Variants in PPM1L observed in about 807,000 individuals in gnomAD.
The protein encoded by PPM1L is protein phosphatase 1L.
Under a neutral mutation model 31.4 loss-of-function variants are expected in PPM1L, and 13 were observed. That is an observed-to-expected ratio of 0.41 (90% confidence interval 0.27 to 0.66). The LOEUF (loss-of-function observed/expected upper bound fraction) is 0.66, where lower values mean the gene tolerates loss of function less well. PPM1L is among the 30% of genes least tolerant of loss of function. PPM1L has a pLI of 0.29. For missense variants in PPM1L, 326 were observed against 453.7 expected, an observed-to-expected ratio of 0.72 and a Z score of 2.56; for synonymous variants, 184 against 175.4, an observed-to-expected ratio of 1.05 and a Z score of -0.39.
chr3:160,931,175 G>A (rs1454499690), intron 1 of PPM1L, among the ~76,000 whole-genome samples: 1 of 152,104 alleles, frequency 6.6e-6, no homozygotes, highest in Non-Finnish European at 1.5e-5. Context: ...CTGCTTTTTG[G>A]TTTAGGCAGC....
chr3:160,897,787 T>C (rs6806892), intron 1 of PPM1L, among the ~76,000 whole-genome samples: 3,616 of 152,344 alleles, frequency 0.024, 119 homozygotes, highest in African/African-American at 0.067. Context: ...AGCTCCAGTC[T>C]AAACTATCCC....
chr3:161,046,329 G>GA (rs1311143623), intron 2 of PPM1L, among the ~76,000 whole-genome samples: 1 of 151,968 alleles, frequency 6.6e-6, no homozygotes, highest in Admixed American at 6.6e-5. Flanking sequence ...AAATAAACTA[G>GA]AAAATCTAGA....
chr3:160,832,318 GA>G (rs897160372), intron 1 of PPM1L, among the ~76,000 whole-genome samples: 3 of 152,208 alleles, frequency 2.0e-5, no homozygotes, highest in African/African-American at 7.2e-5. Context: ...TGGGCCTTGG[GA>G]TATGATGGAG....
intron 1 of PPM1L, among the ~76,000 whole-genome samples, chr3:160,854,147 A>G (rs1266607825): frequency 6.6e-6 from 1 of 152,150 alleles, no homozygotes; most frequent in Non-Finnish European, 1.5e-5. Flanking sequence ...CATATAAATT[A>G]CTTAGGTACT....
Position 160,804,966 on chromosome 3 carries a change from T to C in PPM1L, c.399+48259T>C, listed in dbSNP as rs539591751. Among the ~76,000 whole-genome samples, 6 of 152,312 alleles carry C rather than the reference T, an allele frequency of 3.9e-5. No homozygotes were observed. The East Asian group carries it at 1.2e-3, about 29-fold the overall frequency. ...GGAGGAGTTTGAGGTGGGACTCAAA[T>C]GGAGGAAGGGAAATACTCTCTGGAG... On this transcript the variant is annotated intron_variant, in intron 1 of 3. Coordinates refer to ENST00000498165, the MANE Select transcript of PPM1L (RefSeq NM_139245.4).
intron 1 of PPM1L, among the ~76,000 whole-genome samples, chr3:160,790,935 A>G (rs1299790218): frequency 1.3e-5 from 2 of 152,112 alleles, no homozygotes; most frequent in African/African-American, 4.8e-5. Flanking sequence ...ATCTGTTAAG[A>G]GTTATTTTCA....
At chr3:160,865,179 A>G (rs993577874) in intron 1 of PPM1L, among the ~76,000 whole-genome samples, 5 of 152,344 alleles carry the variant, frequency 3.3e-5, no homozygotes, top group Middle Eastern at 3.4e-3. Flanking sequence ...CTTCAGTATA[A>G]TGACTAACCA....
chr3:161,055,717 G>T (rs896462682), intron 2 of PPM1L, among the ~76,000 whole-genome samples: 4 of 151,376 alleles, frequency 2.6e-5, no homozygotes, highest in Non-Finnish European at 4.4e-5. Context: ...TCTATGTCTC[G>T]CCCCCTTTCG....
chr3:160,931,684 T>A (rs1417925138), intron 1 of PPM1L, among the ~76,000 whole-genome samples: 3 of 152,320 alleles, frequency 2.0e-5, no homozygotes, highest in African/African-American at 7.2e-5. Flanking sequence ...TGTTTTCAGT[T>A]CACATATGTT....
intron 2 of PPM1L, among the ~76,000 whole-genome samples, chr3:161,033,463 A>G (rs188102654): frequency 7.6e-4 from 115 of 152,302 alleles, no homozygotes; most frequent in African/African-American, 2.5e-3. Flanking sequence ...ACGATAACCA[A>G]AACAGCATGG....
chr3:161,026,311 A>C (rs1293678526), intron 2 of PPM1L, among the ~76,000 whole-genome samples: 1 of 152,190 alleles, frequency 6.6e-6, no homozygotes, highest in Non-Finnish European at 1.5e-5. Flanking sequence ...AATTTCCACA[A>C]AAGGAGGGCC....
At chr3:160,765,897 C>G (rs566259439) in intron 1 of PPM1L, among the ~76,000 whole-genome samples, 1 of 152,140 alleles carries the variant, frequency 6.6e-6, no homozygotes, top group South Asian at 2.1e-4. Context: ...ATCATTTTCT[C>G]ATTTGTTTAT....
At position 160,998,999 on chromosome 3, in the gene PPM1L, T is replaced by G. The variant is rs145882615; in HGVS notation, c.574+37089T>G. On this transcript the variant is annotated intron_variant, in intron 2 of 3. Coordinates refer to ENST00000498165, the MANE Select transcript of PPM1L (RefSeq NM_139245.4). Reference sequence around the variant, plus strand: ...AGCCGGTGGTGAAAAGAACCATGTTTTCTCAGTTAAGGCTACTCAGAGGAT... The same window carrying G: ...AGCCGGTGGTGAAAAGAACCATGTTGTCTCAGTTAAGGCTACTCAGAGGAT... Among the ~76,000 whole-genome samples, 129 of 152,180 alleles carry G rather than the reference T, an allele frequency of 8.5e-4. 1 individual carries two copies. In the East Asian group the frequency reaches 0.013, roughly 15 times the overall value.
chr3:160,912,368 G>T (rs987857807), intron 1 of PPM1L, among the ~76,000 whole-genome samples: 1 of 152,128 alleles, frequency 6.6e-6, no homozygotes, highest in Non-Finnish European at 1.5e-5. Context: ...GGGCTTCCCC[G>T]TATATTATCA....
At chr3:160,880,126 G>A (rs1712658156) in intron 1 of PPM1L, among the ~76,000 whole-genome samples, 1 of 152,122 alleles carries the variant, frequency 6.6e-6, no homozygotes, top group African/African-American at 2.4e-5. Context: ...ACAGAGAGAG[G>A]AAATTATACC....
intron 1 of PPM1L, among the ~76,000 whole-genome samples, chr3:160,875,603 A>C (rs934100854): frequency 1.3e-5 from 2 of 152,232 alleles, no homozygotes; most frequent in Non-Finnish European, 2.9e-5. Flanking sequence ...AATAGCTAGA[A>C]GTTATTGAGG....
At chr3:160,862,662 GCACACACACACACACACACACA>G (rs6148164) in intron 1 of PPM1L, among the ~76,000 whole-genome samples, 3 of 127,194 alleles carry the variant, frequency 2.4e-5, no homozygotes, top group East Asian at 2.3e-4. Flanking sequence ...CTAGGCACAC[GCACACACACACACACACACACA>G]CACACACACA....
At chr3:160,822,576 A>G (rs1285897046) in intron 1 of PPM1L, among the ~76,000 whole-genome samples, 8 of 151,974 alleles carry the variant, frequency 5.3e-5, no homozygotes, top group Admixed American at 3.9e-4. Context: ...AACATTGCAT[A>G]TTTATTTTTT....
At chr3:160,998,163 C>T (rs1717381992) in intron 2 of PPM1L, among the ~76,000 whole-genome samples, 1 of 152,162 alleles carries the variant, frequency 6.6e-6, no homozygotes, top group Non-Finnish European at 1.5e-5. Context: ...GACATTTCCA[C>T]ATTCCAATTT....
Sources: allele counts gnomAD v4.1 joint callset (sites outside exome capture counted in the v4.1 genomes callset), GRCh38; gene constraint gnomAD v4.1.1; transcripts MANE v1.5; gene names NCBI Gene and HGNC (gene_info 2026-07-23, HGNC 2026-07-21).